The following NCK1 variants were observed in gnomAD, a reference collection of about 807,000 sequenced individuals.
The protein encoded by NCK1 is SH2/SH3 adapter protein NCK1.
In NCK1, 19 loss-of-function variants were observed where a neutral mutation model predicts 36.6. The ratio of observed to expected loss-of-function variants is 0.52; its 90% CI spans 0.36 to 0.76. NCK1 has a LOEUF of 0.76. NCK1 is among the 30% of genes least tolerant of loss of function. NCK1 has a pLI of 0.00. For missense variants in NCK1, 358 were observed against 445.6 expected (o/e 0.80, Z 1.77); for synonymous variants, 165 against 156.0 (o/e 1.06, Z -0.43).
chr3:136,938,246 C>G (rs1181554993), intron 2 of NCK1, among the ~76,000 whole-genome samples: 1 of 152,162 alleles, frequency 6.6e-6, no homozygotes, highest in African/African-American at 2.4e-5. Context: ...ATAAATCCCA[C>G]TTACTCATAT....
At chr3:136,879,509 T>G (rs1938870561) in intron 1 of NCK1, among the ~76,000 whole-genome samples, 2 of 152,150 alleles carry the variant, frequency 1.3e-5, no homozygotes, top group Admixed American at 1.3e-4. Flanking sequence ...ATGGGTTGAG[T>G]TATATCTTCC....
chr3:136,943,017 A>C (rs1940716404), intron 2 of NCK1, among the ~76,000 whole-genome samples: 1 of 152,186 alleles, frequency 6.6e-6, no homozygotes, highest in Non-Finnish European at 1.5e-5. Flanking sequence ...GTTACTGTCC[A>C]CACAGCCATC....
intron 1 of NCK1, among the ~76,000 whole-genome samples, chr3:136,864,177 A>G (rs1411230862): frequency 4.6e-5 from 7 of 151,906 alleles, no homozygotes; most frequent in Non-Finnish European, 1.0e-4. Flanking sequence ...TTTCAGGTCC[A>G]TCTAAATAAA....
At chr3:136,943,290 G>T (rs192770673) in intron 2 of NCK1, among the ~76,000 whole-genome samples, 180 of 152,326 alleles carry the variant, frequency 1.2e-3, no homozygotes, top group Middle Eastern at 6.8e-3. Flanking sequence ...CAAATGTAGG[G>T]ATTTCTCTGA....
intron 1 of NCK1, among the ~76,000 whole-genome samples, chr3:136,890,912 A>G (rs1015243655): frequency 6.6e-6 from 1 of 152,228 alleles, no homozygotes; most frequent in African/African-American, 2.4e-5. Context: ...AACCTCTGGC[A>G]ATCACCATTC....
chr3:136,950,131 T>G lies in NCK1; in HGVS notation c.*1678T>G, dbSNP rs1321027094. ...GCTGTAAAATCAAATGAATATAAAT[T>G]GAGGAAAACTTTAAATTGTTGTAGG... On this transcript the variant is annotated 3_prime_UTR_variant, in exon 4 of 4. Transcript: ENST00000481752. 6.6e-6 allele frequency among the ~76,000 whole-genome samples: 1 copy of G among 152,120 alleles called. No homozygotes were observed. Among genetic ancestry groups the G allele is most frequent in the Admixed American group, 6.6e-5 (1 of 15,264 alleles).
chr3:136,869,514 T>A (rs946928268), intron 1 of NCK1, among the ~76,000 whole-genome samples: 1 of 152,086 alleles, frequency 6.6e-6, no homozygotes, highest in Non-Finnish European at 1.5e-5. Context: ...CACTGCACTT[T>A]AGCCTGGGTG....
At chr3:136,864,495 C>CA (rs1171829431) in intron 1 of NCK1, among the ~76,000 whole-genome samples, 1,904 of 147,382 alleles carry the variant, frequency 0.013, 23 homozygotes, top group African/African-American at 0.04. Flanking sequence ...CACACACACA[C>CA]AAAAAAAAAA....
At chr3:136,864,362 G>A (rs144132680) in intron 1 of NCK1, among the ~76,000 whole-genome samples, 81 of 151,694 alleles carry the variant, frequency 5.3e-4, no homozygotes, top group Non-Finnish European at 1.0e-3. Context: ...GTGGTGGCAC[G>A]CACCTGTAAT....
chr3:136,907,624 C>T (rs571630629), intron 1 of NCK1, among the ~76,000 whole-genome samples: 14 of 152,276 alleles, frequency 9.2e-5, no homozygotes, highest in East Asian at 3.9e-4. Context: ...CAGTGCTTCT[C>T]GTCACCACCC....
chr3:136,892,839 T>TG (rs1033004745), intron 1 of NCK1, among the ~76,000 whole-genome samples: 65 of 152,258 alleles, frequency 4.3e-4, no homozygotes, highest in African/African-American at 1.4e-3. Flanking sequence ...AGTAGGTTTT[T>TG]GGGGAACCGA....
chr3:136,879,248 G>A (rs575587499), intron 1 of NCK1, among the ~76,000 whole-genome samples: 2 of 152,136 alleles, frequency 1.3e-5, no homozygotes, highest in East Asian at 1.9e-4. Flanking sequence ...TAAAAGGTCC[G>A]TCAGAGGTCA....
chr3:136,875,384 A>G (rs978155085), intron 1 of NCK1, among the ~76,000 whole-genome samples: 24 of 152,012 alleles, frequency 1.6e-4, no homozygotes, highest in African/African-American at 4.6e-4. Flanking sequence ...TCTCCTGCCT[A>G]ATTGCCCTGG....
chr3:136,927,950 A>C, intron 1 of NCK1, 34 bp from the exon 2 acceptor site: 2 of 1,432,564 alleles, frequency 1.4e-6, no homozygotes, highest in Non-Finnish European at 2.0e-6. Flanking sequence ...TACTACCTCA[A>C]CCTTACATAA....
chr3:136,918,614 G>C (rs1423459106), intron 1 of NCK1, among the ~76,000 whole-genome samples: 1 of 152,194 alleles, frequency 6.6e-6, no homozygotes, highest in Non-Finnish European at 1.5e-5. Context: ...ATGCAGCCCA[G>C]GATGGCTTTG....
intron 1 of NCK1, among the ~76,000 whole-genome samples, chr3:136,893,474 A>C (rs1939310375): frequency 6.6e-6 from 1 of 151,776 alleles, no homozygotes; most frequent in African/African-American, 2.4e-5. Flanking sequence ...TCACGTCCTT[A>C]GGCTGTTTTT....
chr3:136,873,801 A>G (rs921864035), intron 1 of NCK1, among the ~76,000 whole-genome samples: 3 of 152,122 alleles, frequency 2.0e-5, no homozygotes, highest in African/African-American at 4.8e-5. Context: ...TCCCTGCACA[A>G]GCTCTCTTGT....
At chr3:136,930,266 A>G (rs1049242296) in intron 2 of NCK1, among the ~76,000 whole-genome samples, 1 of 152,234 alleles carries the variant, frequency 6.6e-6, no homozygotes, top group African/African-American at 2.4e-5. Context: ...TCATGAATAT[A>G]TTTTAACTAT....
At chr3:136,924,414 A>G (rs757077753) in intron 1 of NCK1, among the ~76,000 whole-genome samples, 4 of 152,200 alleles carry the variant, frequency 2.6e-5, no homozygotes, top group Non-Finnish European at 5.9e-5. Flanking sequence ...AATAAATGAC[A>G]TAGAGTGGGG....
Sources: allele counts gnomAD v4.1 joint callset (sites outside exome capture counted in the v4.1 genomes callset), GRCh38; gene constraint gnomAD v4.1.1; transcripts MANE v1.5; gene names NCBI Gene and HGNC (gene_info 2026-07-23, HGNC 2026-07-21).